Variants in NKAIN2 observed in about 807,000 individuals in gnomAD.
NKAIN2 encodes the protein sodium/potassium-transporting ATPase subunit beta-1-interacting protein 2.
A neutral mutation model predicts 32.6 loss-of-function variants in NKAIN2; 14 were observed. That is an observed-to-expected ratio of 0.43 (90% CI 0.28 to 0.67). The LOEUF is 0.67. Among genes scored for constraint, NKAIN2 ranks in the 30% least tolerant of loss-of-function variants. The probability of loss-of-function intolerance (pLI) is 0.17; values close to 1 mark genes in which losing one functional copy is unlikely to be tolerated. For missense variants in NKAIN2, 198 were observed against 258.3 expected, an observed-to-expected ratio of 0.77 and a Z score of 1.60; for synonymous variants, 80 against 87.2, an observed-to-expected ratio of 0.92 and a Z score of 0.46.
intron 2 of NKAIN2, among the ~76,000 whole-genome samples, chr6:124,348,817 A>G (rs1002684200): frequency 2.6e-5 from 4 of 152,126 alleles, no homozygotes; most frequent in African/African-American, 9.7e-5. Context: ...GGGAAGCTCA[A>G]GGGGTCAGGG....
intron 1 of NKAIN2, among the ~76,000 whole-genome samples, chr6:123,917,864 T>G (rs1156308210): frequency 1.3e-5 from 2 of 152,168 alleles, no homozygotes; most frequent in Non-Finnish European, 2.9e-5. Flanking sequence ...TTAGGAAAAG[T>G]AAACTGCAGT....
intron 2 of NKAIN2, among the ~76,000 whole-genome samples, chr6:124,337,721 C>A (rs1797938455): frequency 6.6e-6 from 1 of 152,110 alleles, no homozygotes; most frequent in African/African-American, 2.4e-5. Context: ...CTCTAGTTAC[C>A]CTGTTGAGCA....
chr6:124,363,101 T>A (rs932226654), intron 3 of NKAIN2, among the ~76,000 whole-genome samples: 6 of 152,118 alleles, frequency 3.9e-5, no homozygotes, highest in African/African-American at 1.4e-4. Context: ...TCCCAAAGTG[T>A]TGGGATTACA....
At chr6:124,750,483 G>T (rs1200410241) in intron 4 of NKAIN2, among the ~76,000 whole-genome samples, 2 of 148,560 alleles carry the variant, frequency 1.3e-5, no homozygotes, top group Admixed American at 1.4e-4. Context: ...TCATTCAAAA[G>T]TCTGGAGGAA....
rs540144382 is a variant in NKAIN2 at position 124,629,010 on chromosome 6, C to T, written c.274-29176C>T. Among the ~76,000 whole-genome samples, 66 of 152,076 alleles carry T rather than the reference C, an allele frequency of 4.3e-4. 1 individual carries two copies. In the South Asian group the frequency reaches 0.011, roughly 25 times the overall value. On this transcript the variant is annotated intron_variant, in intron 3 of 6. Coordinates refer to ENST00000368417, the MANE Select transcript of NKAIN2 (RefSeq NM_001040214.3). ...TGTGAATGAGCTGAGTGTGCCCAGT[C>T]GTTTTTGCACTTATCCATCAAGTCA... is the stretch of plus-strand genomic sequence containing the variant.
intron 1 of NKAIN2, among the ~76,000 whole-genome samples, chr6:124,175,849 T>C (rs1029347236): frequency 1.1e-4 from 17 of 152,202 alleles, no homozygotes; most frequent in Admixed American, 2.6e-4. Context: ...TTTGTGAATG[T>C]ACATCTCTCT....
intron 1 of NKAIN2, among the ~76,000 whole-genome samples, chr6:123,946,792 G>T (rs1562272018): frequency 6.6e-6 from 1 of 152,130 alleles, no homozygotes; most frequent in African/African-American, 2.4e-5. Flanking sequence ...TAAGACAGCT[G>T]CACCACTGCC....
chr6:123,914,069 A>C (rs1269620281), intron 1 of NKAIN2, among the ~76,000 whole-genome samples: 2 of 152,202 alleles, frequency 1.3e-5, no homozygotes, highest in African/African-American at 2.4e-5. Context: ...TGGCTTAAAC[A>C]ACAGAAATTT....
In NKAIN2 at chr6:124,046,086, C is replaced by T. The variant is rs1028702415; in HGVS notation, c.55-236919C>T. On this transcript the variant is annotated intron_variant, in intron 1 of 6. Coordinates refer to ENST00000368417, the MANE Select transcript of NKAIN2 (RefSeq NM_001040214.3). ...TGTATTACACATTATCTTTTTTTTT[C>T]CATAGGTTTTCAGGAATTTGAATTC... Among the ~76,000 whole-genome samples the T allele has an allele frequency of 5.2e-4, 78 of 151,092 alleles. 1 individual carries two copies. Among genetic ancestry groups the T allele is most frequent in the Non-Finnish European group, 9.6e-4 (65 of 67,710 alleles).
chr6:123,859,442 T>C (rs1471045254), intron 1 of NKAIN2, among the ~76,000 whole-genome samples: 1 of 152,136 alleles, frequency 6.6e-6, no homozygotes, highest in Admixed American at 6.6e-5. Flanking sequence ...TCTTCTGTTA[T>C]AGACACACCG....
intron 1 of NKAIN2, among the ~76,000 whole-genome samples, chr6:123,838,064 C>T (rs1022701231): frequency 2.0e-5 from 3 of 151,902 alleles, no homozygotes; most frequent in African/African-American, 7.3e-5. Flanking sequence ...AAAAGTTAGC[C>T]CTAAATAGGA....
intron 1 of NKAIN2, among the ~76,000 whole-genome samples, chr6:124,049,264 C>T (rs1161532774): frequency 1.3e-5 from 2 of 151,886 alleles, no homozygotes; most frequent in Non-Finnish European, 2.9e-5. Context: ...AAAATAAATA[C>T]TAAATGATTA....
intron 1 of NKAIN2, among the ~76,000 whole-genome samples, chr6:124,112,332 G>C (rs997630867): frequency 2.0e-5 from 3 of 152,126 alleles, no homozygotes; most frequent in Non-Finnish European, 2.9e-5. Flanking sequence ...GCCAGGTGGA[G>C]TATTATTTGA....
At chr6:124,315,444 G>A (rs1025749661) in intron 2 of NKAIN2, among the ~76,000 whole-genome samples, 1 of 151,952 alleles carries the variant, frequency 6.6e-6, no homozygotes, top group African/African-American at 2.4e-5. Flanking sequence ...GGCACAAAAA[G>A]AAAATCTCAT....
chr6:123,925,789 T>C (rs947860538), intron 1 of NKAIN2, among the ~76,000 whole-genome samples: 13 of 152,240 alleles, frequency 8.5e-5, no homozygotes, highest in Non-Finnish European at 1.6e-4. Flanking sequence ...TCACTGATTT[T>C]TCTTTTTGCT....
At chr6:124,348,802 C>T (rs1798573282) in intron 2 of NKAIN2, among the ~76,000 whole-genome samples, 1 of 152,184 alleles carries the variant, frequency 6.6e-6, no homozygotes. Context: ...GGCATTGCCT[C>T]ACTGGGGAAG....
chr6:124,248,897 G>T (rs1793552215), intron 1 of NKAIN2, among the ~76,000 whole-genome samples: 1 of 152,070 alleles, frequency 6.6e-6, no homozygotes, highest in Non-Finnish European at 1.5e-5. Context: ...TTTCTCCTGT[G>T]ATAGACATTA....
chr6:123,900,950 A>T (rs1375273048), intron 1 of NKAIN2, among the ~76,000 whole-genome samples: 1 of 152,008 alleles, frequency 6.6e-6, no homozygotes, highest in Non-Finnish European at 1.5e-5. Context: ...TTAATTTGAG[A>T]TTTTCTTTGA....
At chr6:124,823,132 C>A in intron 6 of NKAIN2, 88 bp from the exon 7 acceptor site, 1 of 908,380 alleles carries the variant, frequency 1.1e-6, no homozygotes, top group South Asian at 1.3e-5. Flanking sequence ...TTTGTTTGCT[C>A]TTGTGCTTGG....
Sources: allele counts gnomAD v4.1 joint callset (sites outside exome capture counted in the v4.1 genomes callset), GRCh38; gene constraint gnomAD v4.1.1; transcripts MANE v1.5; gene names NCBI Gene and HGNC (gene_info 2026-07-23, HGNC 2026-07-21).